The following ANO5 variants were observed in gnomAD, a reference collection of about 807,000 sequenced individuals.
ANO5 encodes the protein anoctamin-5.
In ANO5, 109 loss-of-function variants were observed where a neutral mutation model predicts 121.0. That is an observed-to-expected ratio of 0.90 (90% CI 0.77 to 1.06). The LOEUF is 1.06. ANO5 is among the 50% of genes least tolerant of loss of function. ANO5 has a pLI of 0.00. For missense variants in ANO5, 1,064 were observed against 1,078.5 expected (o/e 0.99, Z 0.19); for synonymous variants, 406 against 359.9 (o/e 1.13, Z -1.45).
rs114360460 is a variant in ANO5, at chr11:22,266,612, T to G, written c.1898+3569T>G. Among the ~76,000 whole-genome samples, 1,407 of 152,328 alleles carry G rather than the reference T, an allele frequency of 9.2e-3. 22 individuals are homozygous for G. The highest frequency in any genetic ancestry group is 0.032 in the African/African-American group (1,333 of 41,580). On this transcript the variant is annotated intron_variant, in intron 17 of 21. Coordinates refer to ENST00000324559, the MANE Select transcript of ANO5 (RefSeq NM_213599.3). ...TAACCATTTTCCTACTTGTCAATCT[T>G]TTTTCAATTTATTTCTATGAATACT...
chr11:22,231,874 A>C (rs548832864), intron 7 of ANO5, among the ~76,000 whole-genome samples: 3 of 152,148 alleles, frequency 2.0e-5, no homozygotes, highest in Admixed American at 6.6e-5. Context: ...AGAAATTATC[A>C]GTCTTTCGTG....
Position 22,276,196 on chromosome 11 carries a change from G to A in ANO5, c.2517G>A (p.Met839Ile). The A allele has an allele frequency of 6.2e-7, 1 of 1,604,838 alleles. No individual in the cohort carries two copies. Among genetic ancestry groups the A allele is most frequent in the Non-Finnish European group, 8.5e-7 (1 of 1,172,160 alleles). ...CCAAGATGACCTTCATCATTGTTAT[G>A]GAAGTAAGCTGTTCTTAACTTTCAT... ...LAAKMTFIIV[M>I]EHVVFLVKFL... The change falls in exon 21 of 22, where the codon ATG becomes ATA. Residue 839 changes from methionine (M) to isoleucine (I), a missense_variant. Physicochemically the swap from Met to Ile is conservative, Grantham distance 10. Transcript: ENST00000324559.
At chr11:22,256,635 A>G (rs1025570854) in intron 13 of ANO5, among the ~76,000 whole-genome samples, 9 of 152,238 alleles carry the variant, frequency 5.9e-5, no homozygotes, top group African/African-American at 1.7e-4. Context: ...GAATGCTTAC[A>G]TTTGAATCCA....
intron 13 of ANO5, 61 bp from the exon 14 acceptor site, chr11:22,257,619 C>A: frequency 7.4e-7 from 1 of 1,357,170 alleles, no homozygotes; most frequent in Non-Finnish European, 1.1e-6. Context: ...TTGACTAGTG[C>A]TTGGAGTCTT....
chr11:22,262,746 C>A (rs1854232158), intron 16 of ANO5, among the ~76,000 whole-genome samples, 200 bp from the exon 17 acceptor site: 1 of 152,150 alleles, frequency 6.6e-6, no homozygotes, highest in Non-Finnish European at 1.5e-5. Context: ...TGTTTTTTAA[C>A]ACAGTTCACA....
In ANO5 at chr11:22,262,408, G is replaced by C. The variant is rs1313240980; in HGVS notation, c.1800+110G>C. 6.3e-6 allele frequency: 7 copies of C among 1,119,906 alleles called. No homozygotes were observed. In the African/African-American group the frequency reaches 9.4e-5, roughly 15 times the overall value. The allele number at this position is 1,119,906 out of a possible 1,614,324, so 69.4% of individuals were successfully genotyped here. A position where few individuals can be genotyped will look rare whatever the true frequency, so the allele number is the denominator to read the frequency against. ...GCTAAAAAATTACAAAATATATCTA[G>C]GCACTGACTCTATCCACAGAGAGTA... On this transcript the variant is annotated intron_variant, in intron 16 of 21. Coordinates refer to ENST00000324559, the MANE Select transcript of ANO5 (RefSeq NM_213599.3).
chr11:22,231,783 C>G (rs1590253121), intron 7 of ANO5, among the ~76,000 whole-genome samples: 2 of 152,052 alleles, frequency 1.3e-5, no homozygotes, highest in South Asian at 4.1e-4. Context: ...TCACACTTTG[C>G]AAAAAGATGT....
intron 2 of ANO5, among the ~76,000 whole-genome samples, chr11:22,204,290 T>C (rs924756394): frequency 3.9e-5 from 6 of 152,142 alleles, no homozygotes; most frequent in African/African-American, 1.4e-4. Context: ...TAAATACTAC[T>C]TGTAAAAATA....
chr11:22,220,545 A>T (rs1852606845), intron 4 of ANO5, among the ~76,000 whole-genome samples: 1 of 152,020 alleles, frequency 6.6e-6, no homozygotes, highest in Admixed American at 6.6e-5. Context: ...AGTTGCATGA[A>T]ACCTAACTTG....
chr11:22,237,149 A>T (rs1853250646), intron 8 of ANO5, among the ~76,000 whole-genome samples: 1 of 152,128 alleles, frequency 6.6e-6, no homozygotes, highest in South Asian at 2.1e-4. Flanking sequence ...CTTTTGTTAC[A>T]GTTTTACTCT....
At chr11:22,221,257 T>G in intron 5 of ANO5, 47 bp downstream of exon 5, 1 of 1,446,450 alleles carries the variant, frequency 6.9e-7, no homozygotes, top group Non-Finnish European at 9.7e-7. Flanking sequence ...GAAGCACATT[T>G]TATAATTTCA....
chr11:22,227,350 G>A lies in ANO5; in HGVS notation c.412G>A (p.Glu138Lys). The change falls in exon 7 of 22, where the codon GAG (glutamate) becomes AAG (lysine). Residue 138 changes from glutamate to lysine, a missense_variant. Physicochemically the swap from Glu to Lys is moderately conservative, Grantham distance 56 (BLOSUM62 1). Coordinates refer to ENST00000324559, the MANE Select transcript of ANO5 (RefSeq NM_213599.3). Reference sequence around the variant, plus strand: ...TTTTGTCAAGATCCATGCCCCTTGGGAGGTATTAGTTACCTATGCTGAAGT... The same window carrying A: ...TTTTGTCAAGATCCATGCCCCTTGGAAGGTATTAGTTACCTATGCTGAAGT... ...TYFVKIHAPWEVLVTYAEVLG... is the reference protein window; with the variant it reads ...TYFVKIHAPWKVLVTYAEVLG... 6.2e-7 allele frequency: 1 copy of A among 1,613,374 alleles called. No homozygotes were observed. Among genetic ancestry groups the A allele is most frequent in the Non-Finnish European group, 8.5e-7 (1 of 1,179,710 alleles).
intron 17 of ANO5, among the ~76,000 whole-genome samples, chr11:22,269,535 AAAAGAAAAGGAAGGAAAGAAAAAAAG>A (rs1854529019): frequency 7.0e-6 from 1 of 143,444 alleles, no homozygotes; most frequent in African/African-American, 2.9e-5. Context: ...AGGAAAGAAA[AAAAGAAAAGGAAGGAAAGAAAAAAAG>A]AAAAGGAAAG....
chr11:22,255,369 A>T lies in ANO5; in HGVS notation c.1181-2A>T. On this transcript the variant is annotated splice_acceptor_variant, in intron 12 of 21. Coordinates refer to ENST00000324559, the MANE Select transcript of ANO5 (RefSeq NM_213599.3). LOFTEE classifies it high-confidence loss of function. ...TTTTTTTATATATTTATTTACCTATAGTCACCTTATTTTTGGAGTTTTGGA... is the reference window on the plus strand; with the variant it reads ...TTTTTTTATATATTTATTTACCTATTGTCACCTTATTTTTGGAGTTTTGGA... The T allele has an allele frequency of 6.2e-7, 1 of 1,602,656 alleles. No individual in the cohort carries two copies. The highest frequency in any genetic ancestry group is 8.5e-7 in the Non-Finnish European group (1 of 1,171,588).
intron 2 of ANO5, 144 bp from the exon 3 acceptor site, chr11:22,211,120 C>A: frequency 2.3e-6 from 2 of 876,914 alleles, no homozygotes; most frequent in Non-Finnish European, 1.9e-6. Context: ...ACATATATGC[C>A]CACAGTTTTG....
intron 7 of ANO5, among the ~76,000 whole-genome samples, chr11:22,228,726 T>A (rs1852931799): frequency 6.6e-6 from 1 of 152,018 alleles, no homozygotes; most frequent in Non-Finnish European, 1.5e-5. Context: ...CACATATGGC[T>A]GAGATCATAT....
intron 15 of ANO5, 39 bp downstream of exon 15, chr11:22,259,780 A>G (rs1854133071): frequency 6.5e-7 from 1 of 1,544,774 alleles, no homozygotes; most frequent in East Asian, 2.3e-5. Context: ...CTGAAGAATG[A>G]TTCTTATTGA....
At chr11:22,278,649 G>A (rs998843722) in intron 21 of ANO5, among the ~76,000 whole-genome samples, 2 of 150,922 alleles carry the variant, frequency 1.3e-5, no homozygotes, top group Non-Finnish European at 3.0e-5. Flanking sequence ...CAGGAGTGAT[G>A]TCACTTGGTG....
chr11:22,203,681 T>C, intron 1 of ANO5, 123 bp from the exon 2 acceptor site: 1 of 621,214 alleles, frequency 1.6e-6, no homozygotes, highest in Non-Finnish European at 2.8e-6. Flanking sequence ...TATCTTTTCT[T>C]CTAGTATTTT....
Sources: allele counts gnomAD v4.1 joint callset (sites outside exome capture counted in the v4.1 genomes callset), GRCh38; gene constraint gnomAD v4.1.1; transcripts MANE v1.5; gene names NCBI Gene and HGNC (gene_info 2026-07-23, HGNC 2026-07-21).